Variants in MYO7B observed in about 807,000 individuals in gnomAD.
The protein encoded by MYO7B is unconventional myosin-VIIb.
In MYO7B, 212 loss-of-function variants were observed where a neutral mutation model predicts 259.7. The ratio of observed to expected loss-of-function variants is 0.82; its 90% CI spans 0.73 to 0.91. The LOEUF (loss-of-function observed/expected upper bound fraction) is 0.91. Ranked by LOEUF, MYO7B falls within the 40% of genes least tolerant of loss-of-function variation. The pLI is 0.00. For missense variants in MYO7B, 2,732 were observed against 2,813.5 expected (o/e 0.97, Z 0.66); for synonymous variants, 1,197 against 1,166.4 (o/e 1.03, Z -0.54).
rs1256174370 is a variant in MYO7B, at chr2:127,634,268, C to G, written c.5604C>G (p.Leu1868=). 2 of 1,583,518 alleles carry G rather than the reference C, an allele frequency of 1.3e-6. No individual in the cohort carries two copies. The highest frequency in any genetic ancestry group is 2.7e-5 in the African/African-American group (2 of 73,200). The stretch of plus-strand genomic sequence containing the variant: ...TGGCCTCCTGGGAGGGCTGCAGCCT[C>G]TTCATCAAGATTTCAGACAAGGTGG... ...LQLASWEGCS[L]FIKISDKVIS... The change falls in exon 41 of 48, where the codon CTC becomes CTG. Residue 1868 remains leucine (L), a synonymous_variant. Transcript: ENST00000409816.
chr2:127,580,972 C>A, intron 10 of MYO7B, 150 bp downstream of exon 10: 1 of 792,354 alleles, frequency 1.3e-6, no homozygotes. Context: ...CTGTATACTG[C>A]AGGTGCCTGA....
At chr2:127,610,938 C>A (rs1055978932) in intron 24 of MYO7B, among the ~76,000 whole-genome samples, 2 of 152,252 alleles carry the variant, frequency 1.3e-5, no homozygotes, top group East Asian at 1.9e-4. Flanking sequence ...TTACCCCCCC[C>A]AAACCTAACT....
At chr2:127,625,589 G>C in intron 31 of MYO7B, 54 bp downstream of exon 31, 1 of 1,503,870 alleles carries the variant, frequency 6.6e-7, no homozygotes, top group Non-Finnish European at 8.9e-7. Context: ...TTGGGAGGTG[G>C]GGGGGCTCAT....
At position 127,584,188 on chromosome 2, in the gene MYO7B, C is replaced by T. The variant is rs1189704255; in HGVS notation, c.1410C>T (p.Phe470=). The change falls in exon 13 of 48, where the codon TTC becomes TTT. Residue 470 remains phenylalanine, a synonymous_variant. Coordinates refer to ENST00000409816, the MANE Select transcript of MYO7B (RefSeq NM_001393586.1). The surrounding 1 kb of genome is among the most constrained non-coding windows in gnomAD (Gnocchi z 5.8). ...HLQQFFVQHV[F]TMEQEEYRSE... is the part of the protein sequence containing the mutation. ...AGCAGTTCTTTGTGCAGCACGTGTT[C>T]ACCATGGAGCAAGAGGAGTACCGCT... 2.9e-5 allele frequency: 46 copies of T among 1,613,892 alleles called. No homozygotes were observed. The Admixed American group carries it at 7.7e-4, about 27-fold the overall frequency.
chr2:127,637,664 C>G lies in MYO7B; in HGVS notation c.*247C>G. 1 of 424,706 alleles carries G rather than the reference C, an allele frequency of 2.4e-6. No homozygotes were observed. Among genetic ancestry groups the G allele is most frequent in the East Asian group, 3.4e-5 (1 of 29,218 alleles). The allele number at this position is 424,706 out of a possible 1,614,324, so 26.3% of individuals were successfully genotyped here. ...AGGCTATTGGTGGATGACTGACTGACAGGACACCTCCCAACCCCACCCCAC... is the reference window on the plus strand; with the variant it reads ...AGGCTATTGGTGGATGACTGACTGAGAGGACACCTCCCAACCCCACCCCAC... On this transcript the variant is annotated 3_prime_UTR_variant, in exon 48 of 48. Coordinates refer to ENST00000409816, the MANE Select transcript of MYO7B (RefSeq NM_001393586.1).
intron 1 of MYO7B, among the ~76,000 whole-genome samples, chr2:127,553,992 T>C (rs1257392193): frequency 6.6e-6 from 1 of 152,246 alleles, no homozygotes; most frequent in African/African-American, 2.4e-5. Flanking sequence ...TGTCAAATGC[T>C]TTTTCTGCAT....
At chr2:127,629,414 A>T (rs1391444000) in intron 34 of MYO7B, among the ~76,000 whole-genome samples, 1 of 152,114 alleles carries the variant, frequency 6.6e-6, no homozygotes, top group Non-Finnish European at 1.5e-5. Context: ...GGCTGCAGTC[A>T]GAGCTCTCGA....
intron 4 of MYO7B, 27 bp downstream of exon 4, chr2:127,565,412 AG>A: frequency 6.2e-7 from 1 of 1,610,480 alleles, no homozygotes. Context: ...CTGTGTCCAC[AG>A]GGGAGCCCCT....
At chr2:127,548,175 T>C (rs1693310472) in intron 1 of MYO7B, among the ~76,000 whole-genome samples, 1 of 152,202 alleles carries the variant, frequency 6.6e-6, no homozygotes, top group African/African-American at 2.4e-5. Flanking sequence ...TTTCCAATAG[T>C]AGTTAATTTG....
At position 127,565,461 on chromosome 2, in the gene MYO7B, A is replaced by G. The variant is rs933544441; in HGVS notation, c.285+76A>G. 5.1e-6 allele frequency: 8 copies of G among 1,567,878 alleles called. No individual in the cohort carries two copies. In the African/African-American group the frequency reaches 9.5e-5, roughly 19 times the overall value. On this transcript the variant is annotated intron_variant, in intron 4 of 47. Transcript: ENST00000409816. ...CCTCCTGGACAGGGAGAAGAAAATG[A>G]TGCACAGGGGGCACTGCCCCCCATG... is the stretch of plus-strand genomic sequence containing the variant.
chr2:127,636,511 G>A lies in MYO7B; in HGVS notation c.6124-34G>A. The A allele has an allele frequency of 1.3e-6, 2 of 1,589,050 alleles. No homozygotes were observed. Among genetic ancestry groups the A allele is most frequent in the Non-Finnish European group, 1.7e-6 (2 of 1,166,454 alleles). ...TGGGAGGTGCAGCCTGGCCTCCCGG[G>A]CTGGACTATGACCGCCGTGTCCCTC... On this transcript the variant is annotated intron_variant, in intron 45 of 47. Coordinates refer to ENST00000409816, the MANE Select transcript of MYO7B (RefSeq NM_001393586.1). This position sits in a 1 kb window ranked among gnomAD's most constrained non-coding sequence, Gnocchi z 4.5.
intron 24 of MYO7B, among the ~76,000 whole-genome samples, chr2:127,610,625 G>A (rs1680347203): frequency 6.6e-6 from 1 of 152,230 alleles, no homozygotes; most frequent in African/African-American, 2.4e-5. Flanking sequence ...TGTAATGTTA[G>A]TGGAACTAAC....
At chr2:127,583,349 C>T (rs1679176709) in intron 12 of MYO7B, among the ~76,000 whole-genome samples, 1 of 152,244 alleles carries the variant, frequency 6.6e-6, no homozygotes, top group South Asian at 2.1e-4. Flanking sequence ...GGATCTCAGC[C>T]CTCCCAGGGC....
At chr2:127,550,935 A>G (rs1231590667) in intron 1 of MYO7B, among the ~76,000 whole-genome samples, 1 of 152,136 alleles carries the variant, frequency 6.6e-6, no homozygotes, top group Non-Finnish European at 1.5e-5. Context: ...ACAGCTTGGA[A>G]TAACAAGTAT....
intron 31 of MYO7B, 44 bp from the exon 32 acceptor site, chr2:127,626,931 A>G (rs1196165536): frequency 6.5e-7 from 1 of 1,531,138 alleles, no homozygotes; most frequent in Non-Finnish European, 8.9e-7. Flanking sequence ...GGGATTCACT[A>G]GGGAAGGCAG....
chr2:127,572,398 G>A (rs1448561746), intron 6 of MYO7B, among the ~76,000 whole-genome samples: 1 of 139,548 alleles, frequency 7.2e-6, no homozygotes, highest in Non-Finnish European at 1.5e-5. Context: ...CAACCTGGGC[G>A]ACAGAGTGAG....
chr2:127,629,970 T>C (rs1432355803), intron 35 of MYO7B, 144 bp downstream of exon 35: 14 of 840,962 alleles, frequency 1.7e-5, no homozygotes, highest in Middle Eastern at 3.8e-4. Flanking sequence ...GCCCCCACCA[T>C]TCCTGCGGCA....
intron 36 of MYO7B, 30 bp from the exon 37 acceptor site, chr2:127,631,176 C>T (rs746164664): frequency 6.4e-7 from 1 of 1,564,292 alleles, no homozygotes; most frequent in Non-Finnish European, 8.7e-7. Flanking sequence ...GGCCACAGGG[C>T]AGGCCTCACA....
At chr2:127,626,830 G>C in intron 31 of MYO7B, 145 bp from the exon 32 acceptor site, 1 of 707,402 alleles carries the variant, frequency 1.4e-6, no homozygotes, top group Non-Finnish European at 2.4e-6. Flanking sequence ...GACGTCCCAG[G>C]TGCCTCCCTA....
Sources: allele counts gnomAD v4.1 joint callset (sites outside exome capture counted in the v4.1 genomes callset), GRCh38; gene constraint gnomAD v4.1.1; non-coding constraint Gnocchi (gnomAD v3.1); transcripts MANE v1.5; gene names NCBI Gene and HGNC (gene_info 2026-07-23, HGNC 2026-07-21).